Variants in ZNF717 observed in about 807,000 individuals in gnomAD.
ZNF717 encodes zinc finger protein 717.
In ZNF717, 9 loss-of-function variants were observed where a neutral mutation model predicts 13.8. The ratio of observed to expected loss-of-function variants is 0.65; its 90% confidence interval spans 0.39 to 1.14. The LOEUF (loss-of-function observed/expected upper bound fraction) is 1.14, where lower values mean the gene tolerates loss of function less well. Among genes scored for constraint, ZNF717 ranks in the 50% most tolerant of loss-of-function variants. ZNF717 has a pLI of 0.01. For synonymous variants in ZNF717, 327 were observed against 364.1 expected (o/e 0.90, Z 1.16); for missense variants, 1,040 against 1,080.7 (o/e 0.96, Z 0.53).
At chr3:75,747,257 C>T (rs1284840303) in intron 2 of ZNF717, among the ~76,000 whole-genome samples, 2 of 152,160 alleles carry the variant, frequency 1.3e-5, no homozygotes, top group African/African-American at 4.8e-5. Context: ...GTTTTGGTTA[C>T]TGTAGCCTTG....
chr3:75,753,535 G>A (rs1575854175), intron 2 of ZNF717, among the ~76,000 whole-genome samples: 1 of 144,212 alleles, frequency 6.9e-6, no homozygotes, highest in Non-Finnish European at 1.5e-5. Context: ...ACTGCTGCTG[G>A]GTTTTGAATG....
At chr3:75,719,929 G>A (rs1167476726) in intron 4 of ZNF717, among the ~76,000 whole-genome samples, 1 of 151,326 alleles carries the variant, frequency 6.6e-6, no homozygotes, top group African/African-American at 2.4e-5. Flanking sequence ...TTGCACTCCA[G>A]CCTGGGCAAT....
intron 2 of ZNF717, among the ~76,000 whole-genome samples, chr3:75,761,536 G>A (rs1448127090): frequency 1.3e-5 from 2 of 152,198 alleles, no homozygotes; most frequent in African/African-American, 4.8e-5. Flanking sequence ...AGAATAATTA[G>A]GCAAGAGAAA....
At chr3:75,780,384 G>T (rs1266965073) in intron 2 of ZNF717, among the ~76,000 whole-genome samples, 1 of 152,258 alleles carries the variant, frequency 6.6e-6, no homozygotes, top group Non-Finnish European at 1.5e-5. Context: ...TCTCAACTAA[G>T]TGAGAACTTG....
At chr3:75,734,454 A>C (rs2106949732), downstream of ZNF717, among the ~76,000 whole-genome samples, 1 of 109,464 alleles carries the variant, frequency 9.1e-6, no homozygotes, top group East Asian at 2.5e-4. Context: ...TTTTTGTGAG[A>C]TGGAGTCTCA....
At chr3:75,739,499 CCTA>C (rs1373343515) in intron 4 of ZNF717, among the ~76,000 whole-genome samples, 154 bp from the exon 5 acceptor site, 8 of 152,230 alleles carry the variant, frequency 5.3e-5, no homozygotes, top group African/African-American at 9.6e-5. Flanking sequence ...GGTTTCTGTT[CCTA>C]CTGACATAAT....
At position 75,740,486 on chromosome 3, in the gene ZNF717, A is replaced by T. The variant is rs1178518846; in HGVS notation, c.277+790T>A. The stretch of plus-strand genomic sequence containing the variant: ...GCTATCATAGCTCACTGAAGCTTGA[A>T]ACTCCTGAGCTCAAGCAATCCTTCC... On this transcript the variant is annotated intron_variant, in intron 4 of 4. Coordinates refer to ENST00000652011, the MANE Select transcript of ZNF717 (RefSeq NM_001290208.3). 2.1e-3 allele frequency among the ~76,000 whole-genome samples: 313 copies of T among 151,846 alleles called. 1 individual carries two copies. Among genetic ancestry groups the T allele is most frequent in the Admixed American group, 4.3e-3 (66 of 15,244 alleles).
chr3:75,771,902 C>A (rs1056430201), intron 2 of ZNF717, among the ~76,000 whole-genome samples: 1 of 152,264 alleles, frequency 6.6e-6, no homozygotes, highest in African/African-American at 2.4e-5. Flanking sequence ...AGAGCCCACT[C>A]CAAATTTGGA....
rs1326338278 is a variant in ZNF717, at chr3:75,759,899, G to GA, written c.58-18164dup. On this transcript the variant is annotated intron_variant, in intron 2 of 4. Transcript: ENST00000652011. ...TAAATATATATAATTAAAAATTAAT[G>GA]AAAAACAGGTATTTGCAGGTTTCCG... is the stretch of plus-strand genomic sequence containing the variant. Among the ~76,000 whole-genome samples, 3 of 141,864 alleles carry GA rather than the reference G, an allele frequency of 2.1e-5. No individual in the cohort carries two copies. The East Asian group carries it at 6.2e-4, about 29-fold the overall frequency. 93.1% of individuals were successfully genotyped at this position (141,864 alleles called of 152,430 possible). A position where few individuals can be genotyped will look rare whatever the true frequency, so the allele number is the denominator to read the frequency against.
chr3:75,762,122 CAAAAG>C (rs1422239029), intron 2 of ZNF717, among the ~76,000 whole-genome samples: 1 of 151,568 alleles, frequency 6.6e-6, no homozygotes, highest in Admixed American at 6.6e-5. Flanking sequence ...AAAAAGAAAA[CAAAAG>C]AAAAGAAATT....
In ZNF717 at chr3:75,738,381, A is replaced by G; in HGVS notation, c.1242T>C (p.His414=). Residue 414 remains histidine (H), a synonymous_variant, in exon 5 of 5, where the codon CAT becomes CAC. Transcript: ENST00000652011. ...AGGGCTTTTCCCCTGTGTGAGTTCTATGATGTATTGTGAGGTATGACTTCT... is the reference window on the plus strand; with the variant it reads ...AGGGCTTTTCCCCTGTGTGAGTTCTGTGATGTATTGTGAGGTATGACTTCT... ...FSQKSYLTIH[H]RTHTGEKPYA... is the part of the protein sequence containing the mutation. 6.5e-7 allele frequency: 1 copy of G among 1,537,646 alleles called. No individual in the cohort carries two copies. The highest frequency in any genetic ancestry group is 8.8e-7 in the Non-Finnish European group (1 of 1,137,870).
At chr3:75,763,953 A>G (rs2107579098) in intron 2 of ZNF717, among the ~76,000 whole-genome samples, 1 of 152,314 alleles carries the variant, frequency 6.6e-6, no homozygotes, top group Middle Eastern at 3.4e-3. Flanking sequence ...TAGGGTGAAA[A>G]CAAGAGCTGA....
At chr3:75,740,071 T>A (rs1463986305) in intron 4 of ZNF717, among the ~76,000 whole-genome samples, 1 of 151,144 alleles carries the variant, frequency 6.6e-6, no homozygotes, top group African/African-American at 2.4e-5. Context: ...GCTGTGCCCG[T>A]CATCTTCGAA....
At chr3:75,702,203 A>G (rs1294331964) in intron 6 of ZNF717, among the ~76,000 whole-genome samples, 330 of 151,744 alleles carry the variant, frequency 2.2e-3, no homozygotes, top group Non-Finnish European at 3.6e-3. Context: ...AATAGCCAAG[A>G]TTTGGAAGGA....
downstream of ZNF717, among the ~76,000 whole-genome samples, chr3:75,733,671 C>A (rs1326284177): frequency 6.9e-6 from 1 of 145,656 alleles, no homozygotes; most frequent in East Asian, 2.2e-4. Flanking sequence ...CCTAGCTACT[C>A]GGGAGGCTGA....
At position 75,736,012 on chromosome 3, in the gene ZNF717, G is replaced by C. The variant is rs1310643506; in HGVS notation, c.*866C>G. ...ACTTCACATCTCTGTCACATCTTTT[G>C]GCAATCCCAATCTTTCAAAGATTTT... On this transcript the variant is annotated 3_prime_UTR_variant, in exon 5 of 5. Transcript: ENST00000652011. The C allele has an allele frequency of 1.3e-5, 2 of 152,042 alleles. No individual in the cohort carries two copies. The highest frequency in any genetic ancestry group is 1.3e-4 in the Admixed American group (2 of 15,266). The allele number at this position is 152,042 out of a possible 1,614,324, so 9.4% of individuals were successfully genotyped here. A position where few individuals can be genotyped will look rare whatever the true frequency, so the allele number is the denominator to read the frequency against.
rs148732219 is a variant in ZNF717 at position 75,783,200 on chromosome 3, T to C, written c.57+106A>G. The C allele has an allele frequency of 7.3e-4, 628 of 862,936 alleles. 4 individuals carry two copies. The highest frequency in any genetic ancestry group is 6.6e-3 in the African/African-American group (389 of 59,386). The allele number at this position is 862,936 out of a possible 1,614,324, so 53.5% of individuals were successfully genotyped here. On this transcript the variant is annotated intron_variant, in intron 2 of 4. Coordinates refer to ENST00000652011, the MANE Select transcript of ZNF717 (RefSeq NM_001290208.3). ...TTTATCTTATTTATGTATATTTCCTTCAACCTGAGTTTTACTTATTTCCAC... is the reference window on the plus strand; with the variant it reads ...TTTATCTTATTTATGTATATTTCCTCCAACCTGAGTTTTACTTATTTCCAC...
chr3:75,731,572 G>GA (rs57965876), downstream of ZNF717, among the ~76,000 whole-genome samples: 107,994 of 140,396 alleles, frequency 0.77, 38,556 homozygotes, highest in East Asian at 0.83. Context: ...AAAAAAGGAA[G>GA]AAAAAAAAAA....
chr3:75,728,473 G>A (rs111571867), downstream of ZNF717, among the ~76,000 whole-genome samples: 2 of 152,192 alleles, frequency 1.3e-5, no homozygotes, highest in East Asian at 1.9e-4. Flanking sequence ...TCATTGATAC[G>A]GTTTGGCTCT....
Sources: allele counts gnomAD v4.1 joint callset (sites outside exome capture counted in the v4.1 genomes callset), GRCh38; gene constraint gnomAD v4.1.1; transcripts MANE v1.5; gene names NCBI Gene and HGNC (gene_info 2026-07-23, HGNC 2026-07-21).